ZDHHC14: variants seen among roughly 807,000 people sequenced by gnomAD.
ZDHHC14 encodes zDHHC palmitoyltransferase 14, also known as palmitoyltransferase ZDHHC14.
ZDHHC14 carries 16 observed loss-of-function variants against 47.7 expected under a neutral mutation model. The ratio of observed to expected loss-of-function variants is 0.34; its 90% CI spans 0.23 to 0.51. The LOEUF (loss-of-function observed/expected upper bound fraction) is 0.51. ZDHHC14 is among the 20% of genes least tolerant of loss of function. ZDHHC14 has a pLI of 0.97. For synonymous variants in ZDHHC14, 293 were observed against 278.9 expected, an observed-to-expected ratio of 1.05 and a Z score of -0.50; for missense variants, 515 against 662.5, an observed-to-expected ratio of 0.78 and a Z score of 2.44.
chr6:157,677,951 A>AAAAAAAAG lies in ZDHHC14; in HGVS notation c.*4829_*4830insAAAAAAAG, dbSNP rs3056748. The stretch of plus-strand genomic sequence containing the variant: ...ACGTTTTGGCATGGAAAAAAAAAAA[A>AAAAAAAAG]GCATTTTAAACTCTTAGTGAATTCA... On this transcript the variant is annotated 3_prime_UTR_variant, in exon 9 of 9. Coordinates refer to ENST00000359775, the MANE Select transcript of ZDHHC14 (RefSeq NM_024630.3). 1 of 149,960 alleles carries AAAAAAAAG rather than the reference A, an allele frequency of 6.7e-6. No individual in the cohort carries two copies. Among genetic ancestry groups the AAAAAAAAG allele is most frequent in the Non-Finnish European group, 1.5e-5 (1 of 67,648 alleles). The allele number at this position is 149,960 out of a possible 1,614,324, so 9.3% of individuals were successfully genotyped here.
intron 8 of ZDHHC14, among the ~76,000 whole-genome samples, chr6:157,653,985 C>T (rs1018576535): frequency 6.6e-6 from 1 of 152,152 alleles, no homozygotes; most frequent in South Asian, 2.1e-4. Context: ...TTTCCCTTTC[C>T]GTCCCTTGGT....
chr6:157,487,722 T>C (rs1779816019), intron 1 of ZDHHC14, among the ~76,000 whole-genome samples: 1 of 152,134 alleles, frequency 6.6e-6, no homozygotes, highest in African/African-American at 2.4e-5. Context: ...TGATTGTCGT[T>C]GTTATTTTTA....
At chr6:157,484,297 A>G (rs868850640) in intron 1 of ZDHHC14, among the ~76,000 whole-genome samples, 6 of 117,072 alleles carry the variant, frequency 5.1e-5, no homozygotes, top group Non-Finnish European at 9.4e-5. Context: ...ATATGTGTAT[A>G]TATATATACA....
intron 1 of ZDHHC14, among the ~76,000 whole-genome samples, chr6:157,385,071 T>G (rs373652997): frequency 1.3e-4 from 20 of 150,540 alleles, no homozygotes; most frequent in African/African-American, 4.9e-4. Context: ...TGTGAGCCAC[T>G]GCACCTGGCC....
chr6:157,535,589 T>A (rs1781518703), intron 1 of ZDHHC14, among the ~76,000 whole-genome samples: 1 of 152,206 alleles, frequency 6.6e-6, no homozygotes, highest in Non-Finnish European at 1.5e-5. Flanking sequence ...CGTTAGTCCC[T>A]GGGCTCATTG....
intron 1 of ZDHHC14, among the ~76,000 whole-genome samples, chr6:157,518,557 G>T (rs1372091510): frequency 6.6e-6 from 1 of 152,112 alleles, no homozygotes; most frequent in Non-Finnish European, 1.5e-5. Flanking sequence ...TTAGTGTACT[G>T]GCCTCTGTCT....
intron 3 of ZDHHC14, among the ~76,000 whole-genome samples, chr6:157,595,204 TTTTTTTG>T: frequency 8.2e-6 from 1 of 122,362 alleles, no homozygotes; most frequent in African/African-American, 3.2e-5. Context: ...TTTTTTTTTT[TTTTTTTG>T]TGATGGAGTC....
intron 1 of ZDHHC14, among the ~76,000 whole-genome samples, chr6:157,523,650 C>A (rs568253052): frequency 6.6e-6 from 1 of 151,782 alleles, no homozygotes; most frequent in East Asian, 1.9e-4. Context: ...ATTTCCAACA[C>A]TTTGGGTGGC....
intron 2 of ZDHHC14, among the ~76,000 whole-genome samples, chr6:157,562,443 C>A (rs1015329811): frequency 1.3e-5 from 2 of 152,184 alleles, no homozygotes; most frequent in African/African-American, 4.8e-5. Flanking sequence ...CCTGGCTGGC[C>A]CCTCATTTTC....
chr6:157,665,970 G>A (rs1283249365), intron 8 of ZDHHC14, among the ~76,000 whole-genome samples: 1 of 152,164 alleles, frequency 6.6e-6, no homozygotes, highest in Admixed American at 6.5e-5. Flanking sequence ...ATAACCCAGA[G>A]CCAGCTGAGG....
intron 2 of ZDHHC14, among the ~76,000 whole-genome samples, chr6:157,546,336 A>G (rs139526573): frequency 0.011 from 1,737 of 152,342 alleles, 21 homozygotes; most frequent in Non-Finnish European, 0.018. Context: ...TTATGGTTAG[A>G]GTTATTCATT....
At chr6:157,479,679 A>G (rs1779575669) in intron 1 of ZDHHC14, among the ~76,000 whole-genome samples, 1 of 152,220 alleles carries the variant, frequency 6.6e-6, no homozygotes, top group South Asian at 2.1e-4. Context: ...TTTACCTTTA[A>G]GCCTGATCAA....
intron 1 of ZDHHC14, among the ~76,000 whole-genome samples, chr6:157,542,162 A>G (rs1043955723): frequency 2.0e-5 from 3 of 152,214 alleles, no homozygotes; most frequent in Non-Finnish European, 2.9e-5. Flanking sequence ...GCTGGCTCTC[A>G]TGAAGATCAT....
At chr6:157,417,169 A>G (rs1295247272) in intron 1 of ZDHHC14, among the ~76,000 whole-genome samples, 1 of 151,640 alleles carries the variant, frequency 6.6e-6, no homozygotes. Context: ...AATTGTATCT[A>G]TGTGGGTGTA....
intron 4 of ZDHHC14, among the ~76,000 whole-genome samples, chr6:157,629,096 T>A (rs531911245): frequency 6.6e-6 from 1 of 152,370 alleles, no homozygotes; most frequent in Admixed American, 6.5e-5. Flanking sequence ...GGAAGCAACT[T>A]TGATTAAAAA....
At chr6:157,595,135 G>T (rs190584977) in intron 3 of ZDHHC14, among the ~76,000 whole-genome samples, 161 of 120,390 alleles carry the variant, frequency 1.3e-3, no homozygotes, top group Middle Eastern at 5.4e-3. Flanking sequence ...CACCCAATTT[G>T]TCCACTCATT....
intron 1 of ZDHHC14, among the ~76,000 whole-genome samples, chr6:157,421,764 C>T (rs189412226): frequency 1.7e-3 from 260 of 152,082 alleles, no homozygotes; most frequent in African/African-American, 5.9e-3. Flanking sequence ...CCCACCATGA[C>T]GCCCGGCTAA....
At chr6:157,482,496 C>T (rs527785358) in intron 1 of ZDHHC14, among the ~76,000 whole-genome samples, 4 of 151,970 alleles carry the variant, frequency 2.6e-5, no homozygotes, top group East Asian at 3.9e-4. Context: ...TCAGGTGATC[C>T]GCCCACCTTG....
intron 1 of ZDHHC14, among the ~76,000 whole-genome samples, chr6:157,383,755 CTGTT>C (rs1293791425): frequency 1.3e-5 from 2 of 152,144 alleles, no homozygotes; most frequent in Non-Finnish European, 2.9e-5. Flanking sequence ...GGTTCTGTGT[CTGTT>C]TGACACTAGT....
Sources: gnomAD v4.1 joint callset for allele counts (sites outside exome capture counted in the v4.1 genomes callset) on GRCh38, gnomAD v4.1.1 for gene constraint, MANE v1.5 for transcripts, NCBI Gene and HGNC (gene_info 2026-07-23, HGNC 2026-07-21) for gene names.